PRICKLE3: variants seen among roughly 807,000 people sequenced by gnomAD.
PRICKLE3 encodes the protein prickle planar cell polarity protein 3.
A neutral mutation model predicts 33.8 loss-of-function variants in PRICKLE3; 17 were observed. The ratio of observed to expected loss-of-function variants is 0.50; its 90% CI spans 0.34 to 0.75. The LOEUF (loss-of-function observed/expected upper bound fraction) is 0.75, where lower values mean the gene tolerates loss of function less well. PRICKLE3 is among the 30% of genes least tolerant of loss of function. The pLI is 0.01. For missense variants in PRICKLE3, 573 were observed against 576.7 expected, an observed-to-expected ratio of 0.99 and a Z score of 0.07; for synonymous variants, 211 against 219.6, an observed-to-expected ratio of 0.96 and a Z score of 0.34.
chrX:49,181,548 T>TATATATACGTATATGTAC (rs2065452089), intron 3 of PRICKLE3, among the ~76,000 whole-genome samples: 22 of 17,192 alleles, frequency 1.3e-3, no homozygotes, highest in South Asian at 9.5e-3. Flanking sequence ...TATACGTATA[T>TATATATACGTATATGTAC]GTGTATATAT....
intron 1 of PRICKLE3, among the ~76,000 whole-genome samples, chrX:49,185,783 C>T (rs183983412): frequency 1.8e-5 from 2 of 108,531 alleles, no homozygotes; most frequent in African/African-American, 6.8e-5. Context: ...CGTCTGTAAT[C>T]CCAGGTACAT....
At position 49,184,686 on chromosome X, in the gene PRICKLE3, G is replaced by T; in HGVS notation, c.67C>A (p.Arg23=). 5 of 1,158,963 alleles carry T rather than the reference G, an allele frequency of 4.3e-6. No individual in the cohort carries two copies. The highest frequency in any genetic ancestry group is 5.8e-6 in the Non-Finnish European group (5 of 867,996). ...CTACAGGAGTTGCAGGGCTGGCCCC[G>T]GTCTGGGTCCTCTGCCTCTGGAGGC... ...RAPPEAEDPD[R]GQPCNSCREQ... Residue 23 remains arginine, a synonymous_variant, in exon 2 of 9, where the codon CGG becomes AGG. Transcript: ENST00000599218.
At chrX:49,182,863 G>T (rs1433565044) in intron 3 of PRICKLE3, among the ~76,000 whole-genome samples, 4 of 93,894 alleles carry the variant, frequency 4.3e-5, no homozygotes, top group Admixed American at 1.3e-4. Flanking sequence ...TCACTCTGTT[G>T]CCCAGGCTGG....
intron 4 of PRICKLE3, 112 bp downstream of exon 4, chrX:49,179,581 G>A: frequency 1.2e-6 from 1 of 869,234 alleles, no homozygotes; most frequent in African/African-American, 2.0e-5. Context: ...ACCCCTGCCT[G>A]TCTGGACCAC....
In PRICKLE3 at chrX:49,175,872, G is replaced by C. The variant is rs148791498; in HGVS notation, c.1649C>G (p.Ser550Cys). The change falls in exon 9 of 9, where the codon TCC (serine) becomes TGC (cysteine). Residue 550 changes from serine (S) to cysteine (C), a missense_variant. By Grantham distance (112) the Ser-to-Cys change is moderately radical (BLOSUM62 -1). Coordinates refer to ENST00000599218, the MANE Select transcript of PRICKLE3 (RefSeq NM_006150.5). ...CTCTGATGATTCGGAACTGGAACTG[G>C]AGGGCGAGCTGGAGCAAGATTCCGA... is the stretch of plus-strand genomic sequence containing the variant. The part of the protein sequence containing the change: ...SDSESCSSSP[S>C]SSSSESSEDD... 550 of 1,210,536 alleles carry C rather than the reference G, an allele frequency of 4.5e-4. 3 individuals carry two copies. The South Asian group carries it at 7.0e-3, about 15-fold the overall frequency.
Position 49,174,879 on chromosome X carries a change from A to T in PRICKLE3, c.*794T>A, listed in dbSNP as rs1348196311. 2 of 492,977 alleles carry T rather than the reference A, an allele frequency of 4.1e-6. No homozygotes were observed. The highest frequency in any genetic ancestry group is 7.4e-6 in the Non-Finnish European group (2 of 271,045). The allele number at this position is 492,977 out of a possible 1,213,427, so 40.6% of individuals were successfully genotyped here. A position where few individuals can be genotyped will look rare whatever the true frequency, so the allele number is the denominator to read the frequency against. On this transcript the variant is annotated 3_prime_UTR_variant, in exon 9 of 9. Coordinates refer to ENST00000599218, the MANE Select transcript of PRICKLE3 (RefSeq NM_006150.5). ...CAACCCTCCTGGGTGTGGCCACCAT[A>T]TGTGTGTGCCTAGGTCCTCCTTCTG...
At position 49,185,484 on chromosome X, in the gene PRICKLE3, C is replaced by T. The variant is rs147239971; in HGVS notation, c.42+772G>A. Among the ~76,000 whole-genome samples, 56 of 111,990 alleles carry T rather than the reference C, an allele frequency of 5.0e-4. 1 individual carries two copies. The East Asian group carries it at 0.015, about 29-fold the overall frequency. On this transcript the variant is annotated intron_variant, in intron 1 of 8. Coordinates refer to ENST00000599218, the MANE Select transcript of PRICKLE3 (RefSeq NM_006150.5). Reference sequence around the variant, plus strand: ...GAAGTCAAAAACTCCCTTGCTCAGGCGGAACCCTGGAAGCCTTGTCCCCCC... The same window carrying T: ...GAAGTCAAAAACTCCCTTGCTCAGGTGGAACCCTGGAAGCCTTGTCCCCCC...
At chrX:49,181,601 A>ACG in intron 3 of PRICKLE3, among the ~76,000 whole-genome samples, 1 of 13,093 alleles carries the variant, frequency 7.6e-5, no homozygotes, top group African/African-American at 1.2e-4. Context: ...GTATCTATAT[A>ACG]CGTATATATA....
rs1302664364 is a variant in PRICKLE3, at chrX:49,175,290, C to A, written c.*383G>T. 5.7e-6 allele frequency: 1 copy of A among 176,557 alleles called. No individual in the cohort carries two copies. Among genetic ancestry groups the A allele is most frequent in the Non-Finnish European group, 1.1e-5 (1 of 94,342 alleles). 14.6% of individuals were successfully genotyped at this position (176,557 alleles called of 1,213,427 possible). On this transcript the variant is annotated 3_prime_UTR_variant, in exon 9 of 9. Transcript: ENST00000599218. ...GTAATCCCAGTCCTTTGGGAGGCTG[C>A]GGGAGGATTGCTTGAGCCCAGGAGT...
At chrX:49,182,651 G>A (rs1212383721) in intron 3 of PRICKLE3, among the ~76,000 whole-genome samples, 1 of 111,937 alleles carries the variant, frequency 8.9e-6, no homozygotes, top group Non-Finnish European at 1.9e-5. Flanking sequence ...TTCTCACAGA[G>A]GCTTATTCTG....
intron 3 of PRICKLE3, among the ~76,000 whole-genome samples, chrX:49,182,248 T>C (rs2065460790): frequency 9.0e-6 from 1 of 110,844 alleles, no homozygotes; most frequent in African/African-American, 3.3e-5. Context: ...TGCCGGCCTT[T>C]CTGTCTGTCT....
Position 49,178,100 on chromosome X carries a change from G to A in PRICKLE3, c.848C>T (p.Ala283Val), listed in dbSNP as rs781856450. 1 of 1,184,951 alleles carries A rather than the reference G, an allele frequency of 8.4e-7. No individual in the cohort carries two copies. Among genetic ancestry groups the A allele is most frequent in the East Asian group, 3.0e-5 (1 of 33,535 alleles). The change falls in exon 7 of 9, where the codon GCT (alanine) becomes GTT (valine). Residue 283 changes from alanine (A) to valine (V), a missense_variant. Ala to Val is a moderately conservative substitution (Grantham distance 64, BLOSUM62 0). Transcript: ENST00000599218. ...MDHFCCFECE[A>V]SLGGQRYVMR... is the part of the protein sequence containing the mutation. Reference sequence around the variant, plus strand: ...GACATAGCGCTGCCCTCCTAGTGAAGCTTCACACTCAAAGCAGCAGAAGTG... The same window carrying A: ...GACATAGCGCTGCCCTCCTAGTGAAACTTCACACTCAAAGCAGCAGAAGTG...
intron 1 of PRICKLE3, 72 bp from the exon 2 acceptor site, chrX:49,184,782 C>G (rs1322940847): frequency 5.2e-6 from 6 of 1,161,433 alleles, no homozygotes; most frequent in Non-Finnish European, 5.8e-6. Context: ...AACGCCCGCC[C>G]CTCCACTTCA....
In PRICKLE3 at chrX:49,177,095, G is replaced by A. The variant is rs1557100217; in HGVS notation, c.1063C>T (p.Pro355Ser). Residue 355 changes from proline to serine, a missense_variant, in exon 8 of 9, where the codon CCA becomes TCA. Pro to Ser is a moderately conservative substitution (Grantham distance 74, BLOSUM62 -1). Coordinates refer to ENST00000599218, the MANE Select transcript of PRICKLE3 (RefSeq NM_006150.5). ...GAGCAGAAGATTAGGCCTCGGCGTGGCAGGAATGGGCGGCCCAGCAGGGCC... is the reference window on the plus strand; with the variant it reads ...GAGCAGAAGATTAGGCCTCGGCGTGACAGGAATGGGCGGCCCAGCAGGGCC... ...GRALLGRPFLPRRGLIFCSRA... is the reference protein window; with the variant it reads ...GRALLGRPFLSRRGLIFCSRA... The A allele has an allele frequency of 8.3e-7, 1 of 1,201,881 alleles. No individual in the cohort carries two copies. The highest frequency in any genetic ancestry group is 1.1e-6 in the Non-Finnish European group (1 of 890,798).
chrX:49,176,477 A>G (rs1370326862), intron 8 of PRICKLE3, among the ~76,000 whole-genome samples: 4 of 109,753 alleles, frequency 3.6e-5, no homozygotes, highest in African/African-American at 1.3e-4. Context: ...AACACGGAGC[A>G]AGATGGGACT....
chrX:49,183,569 G>T, intron 3 of PRICKLE3, 165 bp downstream of exon 3: 1 of 1,081,424 alleles, frequency 9.2e-7, no homozygotes, highest in Non-Finnish European at 1.2e-6. Flanking sequence ...AAGGTATGGG[G>T]GGCTGACCAC....
At chrX:49,184,574 C>T (rs1176511007) in intron 2 of PRICKLE3, 51 bp downstream of exon 2, 2 of 1,039,996 alleles carry the variant, frequency 1.9e-6, no homozygotes, top group Non-Finnish European at 2.5e-6. Context: ...TGGATTTCCC[C>T]CCGAAGGCGG....
At chrX:49,177,894 G>A in intron 7 of PRICKLE3, 99 bp downstream of exon 7, 1 of 967,686 alleles carries the variant, frequency 1.0e-6, no homozygotes, top group South Asian at 2.8e-5. Context: ...AGGGCACAAT[G>A]GAGGATGGGG....
intron 2 of PRICKLE3, 63 bp downstream of exon 2, chrX:49,184,562 C>G (rs1557101610): frequency 9.9e-7 from 1 of 1,006,088 alleles, no homozygotes. Context: ...GCGTAAGGCT[C>G]CTGGATTTCC....
Sources: allele counts gnomAD v4.1 joint callset (sites outside exome capture counted in the v4.1 genomes callset), GRCh38; gene constraint gnomAD v4.1.1; transcripts MANE v1.5; gene names NCBI Gene and HGNC (gene_info 2026-07-23, HGNC 2026-07-21).